Variants in KMO observed in about 807,000 individuals in gnomAD.
The protein encoded by KMO is kynurenine 3-monooxygenase.
Under a neutral mutation model 57.8 loss-of-function variants are expected in KMO, and 24 were observed. The ratio of observed to expected loss-of-function variants is 0.42; its 90% CI spans 0.30 to 0.58. The LOEUF is 0.58. Ranked by LOEUF, KMO falls within the 20% of genes least tolerant of loss-of-function variation. The pLI, the probability that KMO is intolerant of heterozygous loss-of-function variation, is 0.22. For missense variants in KMO, 483 were observed against 588.2 expected (o/e 0.82, Z 1.85); for synonymous variants, 210 against 193.6 (o/e 1.08, Z -0.70).
chr1:241,536,429 C>A, intron 1 of KMO: 3 of 803,856 alleles, frequency 3.7e-6, no homozygotes, highest in Non-Finnish European at 4.5e-6. Context: ...GTCCTTAAGA[C>A]TCAGAAAATA....
chr1:241,556,631 G>A (rs1371365397), intron 5 of KMO, among the ~76,000 whole-genome samples: 2 of 152,214 alleles, frequency 1.3e-5, no homozygotes, highest in Non-Finnish European at 2.9e-5. Flanking sequence ...TGTAATCCCA[G>A]CACATTGGGA....
At chr1:241,589,725 A>G (rs535216062) in intron 12 of KMO, among the ~76,000 whole-genome samples, 1 of 152,356 alleles carries the variant, frequency 6.6e-6, no homozygotes, top group Non-Finnish European at 1.5e-5. Context: ...GATTGCCTGC[A>G]GTTCTGGTTA....
intron 1 of KMO, among the ~76,000 whole-genome samples, chr1:241,539,840 T>C (rs934592846): frequency 6.6e-6 from 1 of 152,154 alleles, no homozygotes; most frequent in Non-Finnish European, 1.5e-5. Context: ...ATCCCTTTTA[T>C]TCAAAATTGC....
intron 1 of KMO, among the ~76,000 whole-genome samples, chr1:241,533,033 A>G (rs1268597774): frequency 6.6e-6 from 1 of 152,242 alleles, no homozygotes; most frequent in Admixed American, 6.5e-5. Flanking sequence ...TGACTCTTCC[A>G]GTGGAGCACC....
intron 8 of KMO, among the ~76,000 whole-genome samples, chr1:241,565,959 C>A (rs940904583): frequency 6.6e-6 from 1 of 152,128 alleles, no homozygotes; most frequent in Non-Finnish European, 1.5e-5. Context: ...AATCCCAGCA[C>A]TTTGGGAGGC....
intron 7 of KMO, among the ~76,000 whole-genome samples, chr1:241,564,533 T>A (rs752147292): frequency 2.4e-4 from 37 of 151,868 alleles, no homozygotes; most frequent in Admixed American, 1.2e-3. Flanking sequence ...ATAGATAAGT[T>A]CTGAAATAAG....
rs1358431285 is a variant in KMO at position 241,566,834 on chromosome 1, C to G, written c.809+222C>G. Among the ~76,000 whole-genome samples the G allele has an allele frequency of 9.9e-5, 15 of 152,150 alleles. 1 individual carries two copies. ...AGTTCCTCCGGGAAAGATGAGCCAC[C>G]AATGTCCCGAGGCTTTTGGGCATCT... On this transcript the variant is annotated intron_variant, in intron 9 of 14. Transcript: ENST00000366559.
At chr1:241,571,557 C>A (rs954746715) in intron 10 of KMO, among the ~76,000 whole-genome samples, 2 of 151,978 alleles carry the variant, frequency 1.3e-5, no homozygotes, top group African/African-American at 2.4e-5. Context: ...TGGTTTTTGT[C>A]TTTCATTCTG....
intron 1 of KMO, among the ~76,000 whole-genome samples, chr1:241,541,487 T>C (rs1478966821): frequency 1.3e-5 from 2 of 152,180 alleles, no homozygotes; most frequent in East Asian, 3.8e-4. Flanking sequence ...ATAGACAGGT[T>C]CAGTAGTCAC....
intron 10 of KMO, among the ~76,000 whole-genome samples, chr1:241,570,455 A>G (rs566008832): frequency 2.6e-5 from 4 of 152,202 alleles, no homozygotes; most frequent in African/African-American, 9.6e-5. Context: ...ATTTTTGTAT[A>G]TGGTGAAAGA....
chr1:241,588,448 G>A (rs531936721), intron 11 of KMO, among the ~76,000 whole-genome samples: 142 of 147,168 alleles, frequency 9.6e-4, no homozygotes, highest in African/African-American at 3.1e-3. Context: ...TACACATGAC[G>A]TTGGAGGTTG....
Position 241,579,462 on chromosome 1 carries a change from G to A in KMO, c.958-7217G>A, listed in dbSNP as rs552716027. Among the ~76,000 whole-genome samples the A allele has an allele frequency of 1.6e-3, 236 of 152,200 alleles. 1 individual carries two copies. The highest frequency in any genetic ancestry group is 3.4e-3 in the Middle Eastern group (1 of 294). ...AGGAGACAGTTTTCTGGCCACTAAG[G>A]TAACGCTTCAGGGATGAGGACAACT... On this transcript the variant is annotated intron_variant, in intron 10 of 14. Transcript: ENST00000366559.
At chr1:241,584,606 G>A (rs970978308) in intron 10 of KMO, among the ~76,000 whole-genome samples, 28 of 152,042 alleles carry the variant, frequency 1.8e-4, no homozygotes, top group African/African-American at 5.5e-4. Context: ...AAGAAATAGC[G>A]TTTAAAAGTT....
chr1:241,551,287 T>G (rs61825639), intron 4 of KMO, among the ~76,000 whole-genome samples: 27,593 of 152,186 alleles, frequency 0.18, 2,895 homozygotes, highest in Non-Finnish European at 0.23. Context: ...TGTCATTTCT[T>G]GCCTTTGCGC....
At chr1:241,584,655 G>C (rs1447475000) in intron 10 of KMO, among the ~76,000 whole-genome samples, 2 of 152,176 alleles carry the variant, frequency 1.3e-5, no homozygotes, top group African/African-American at 4.8e-5. Flanking sequence ...GTGTGTGTGT[G>C]TGCACTAATA....
At chr1:241,577,795 T>C (rs938524034) in intron 10 of KMO, among the ~76,000 whole-genome samples, 1 of 152,156 alleles carries the variant, frequency 6.6e-6, no homozygotes, top group Non-Finnish European at 1.5e-5. Context: ...AAATGCAATA[T>C]GAAATGTTGG....
intron 4 of KMO, among the ~76,000 whole-genome samples, chr1:241,552,668 T>C (rs544522996): frequency 6.6e-6 from 1 of 152,338 alleles, no homozygotes; most frequent in African/African-American, 2.4e-5. Context: ...TGCATGGGTC[T>C]GCTGAAGACC....
intron 1 of KMO, among the ~76,000 whole-genome samples, chr1:241,545,464 T>C (rs1661110364): frequency 6.6e-6 from 1 of 152,122 alleles, no homozygotes; most frequent in African/African-American, 2.4e-5. Flanking sequence ...AAAGATCTGT[T>C]CCGGGTCCCT....
chr1:241,577,400 T>C (rs1331980065), intron 10 of KMO, among the ~76,000 whole-genome samples: 3 of 152,136 alleles, frequency 2.0e-5, no homozygotes, highest in Non-Finnish European at 4.4e-5. Flanking sequence ...TTGATTCAAC[T>C]GTGTTTTTCT....
Sources: gnomAD v4.1 joint callset for allele counts (sites outside exome capture counted in the v4.1 genomes callset) on GRCh38, gnomAD v4.1.1 for gene constraint, MANE v1.5 for transcripts, NCBI Gene and HGNC (gene_info 2026-07-23, HGNC 2026-07-21) for gene names.